The following KHDRBS2 variants were observed in gnomAD, a reference collection of about 807,000 sequenced individuals.
KHDRBS2 encodes KH RNA binding domain containing, signal transduction associated 2, also known as KH domain-containing, RNA-binding, signal transduction-associated protein 2.
Under a neutral mutation model 44.3 loss-of-function variants are expected in KHDRBS2, and 26 were observed. The ratio of observed to expected loss-of-function variants is 0.59; its 90% CI spans 0.43 to 0.81. The LOEUF is 0.81. Ranked by LOEUF, KHDRBS2 falls within the 40% of genes least tolerant of loss-of-function variation. KHDRBS2 has a pLI of 0.00. For synonymous variants in KHDRBS2, 194 were observed against 151.1 expected (o/e 1.28, Z -2.08); for missense variants, 476 against 433.1 (o/e 1.10, Z -0.88).
intron 3 of KHDRBS2, among the ~76,000 whole-genome samples, chr6:62,018,303 G>GTATATTCACACACTA (rs1781608798): frequency 5.8e-4 from 1 of 1,716 alleles, no homozygotes; most frequent in Non-Finnish European, 3.6e-3. Flanking sequence ...ATATATATGT[G>GTATATTCACACACTA]TGTGTGTGTG....
the KHDRBS2 span, among the ~76,000 whole-genome samples, chr6:61,612,743 A>T: frequency 6.6e-6 from 1 of 152,026 alleles, no homozygotes; most frequent in South Asian, 2.1e-4. Flanking sequence ...TCATCAACCA[A>T]TAGTAAAGCA....
At chr6:61,705,983 C>T (rs1402562037) in intron 7 of KHDRBS2, among the ~76,000 whole-genome samples, 2 of 151,796 alleles carry the variant, frequency 1.3e-5, no homozygotes, top group South Asian at 2.1e-4. Context: ...GGGCTATTTG[C>T]ATCATCATTG....
At chr6:61,672,607 C>T in the KHDRBS2 span, among the ~76,000 whole-genome samples, 186 of 152,026 alleles carry the variant, frequency 1.2e-3, 1 homozygote, top group African/African-American at 4.2e-3. Flanking sequence ...TGATGGTGAG[C>T]ATTTTTTCAT....
intron 1 of KHDRBS2, among the ~76,000 whole-genome samples, chr6:62,182,592 A>G (rs1357333884): frequency 1.3e-5 from 2 of 151,928 alleles, no homozygotes; most frequent in Non-Finnish European, 1.5e-5. Flanking sequence ...AGCTGTATAT[A>G]TTACATATGT....
chr6:62,014,425 T>C (rs1780838100), intron 3 of KHDRBS2, among the ~76,000 whole-genome samples: 1 of 152,172 alleles, frequency 6.6e-6, no homozygotes, highest in Non-Finnish European at 1.5e-5. Flanking sequence ...CTCCCACAAT[T>C]TGTCAAAATG....
intron 3 of KHDRBS2, among the ~76,000 whole-genome samples, chr6:62,044,297 G>A (rs1787191369): frequency 6.6e-6 from 1 of 151,788 alleles, no homozygotes; most frequent in African/African-American, 2.4e-5. Flanking sequence ...ACAACAAAAG[G>A]AGACTCCATC....
chr6:61,981,491 T>C (rs1192424), intron 3 of KHDRBS2, among the ~76,000 whole-genome samples: 53,095 of 151,766 alleles, frequency 0.35, 10,068 homozygotes, highest in Admixed American at 0.45. Context: ...TATTTGTTTG[T>C]TGTTGCTGTT....
intron 4 of KHDRBS2, among the ~76,000 whole-genome samples, chr6:61,926,599 C>A (rs925504015): frequency 2.0e-5 from 3 of 152,090 alleles, no homozygotes; most frequent in African/African-American, 7.2e-5. Flanking sequence ...CAAGGGGCTG[C>A]AGCAAACTGG....
chr6:61,716,973 G>T (rs557169896), intron 7 of KHDRBS2, among the ~76,000 whole-genome samples: 2 of 152,160 alleles, frequency 1.3e-5, no homozygotes, highest in African/African-American at 4.8e-5. Flanking sequence ...ACCTGGTGAG[G>T]AGAAATGACT....
At chr6:61,908,536 A>G (rs1407289213) in intron 4 of KHDRBS2, among the ~76,000 whole-genome samples, 1 of 150,932 alleles carries the variant, frequency 6.6e-6, no homozygotes, top group African/African-American at 2.4e-5. Flanking sequence ...TGGGAGGCTG[A>G]GGCAGGAGAA....
At chr6:62,107,670 A>G (rs1803799585) in intron 2 of KHDRBS2, among the ~76,000 whole-genome samples, 2 of 152,338 alleles carry the variant, frequency 1.3e-5, no homozygotes, top group Admixed American at 1.3e-4. Context: ...AGCTGGAGGC[A>G]TCATGCTACC....
chr6:62,065,082 G>C (rs1420622794), intron 2 of KHDRBS2, among the ~76,000 whole-genome samples: 2 of 152,114 alleles, frequency 1.3e-5, no homozygotes, highest in African/African-American at 4.8e-5. Context: ...ACCACAATGA[G>C]ATACCATCTC....
At chr6:62,031,809 A>G (rs1784384577) in intron 3 of KHDRBS2, among the ~76,000 whole-genome samples, 1 of 152,050 alleles carries the variant, frequency 6.6e-6, no homozygotes, top group East Asian at 1.9e-4. Flanking sequence ...GGGGGTCATC[A>G]CCACCCAGAA....
intron 4 of KHDRBS2, among the ~76,000 whole-genome samples, chr6:61,969,711 TA>T (rs1480270359): frequency 6.6e-6 from 1 of 151,992 alleles, no homozygotes; most frequent in African/African-American, 2.4e-5. Context: ...AAAAATGCAA[TA>T]ATTTCATCAG....
At chr6:61,814,522 G>C (rs1407043836) in intron 6 of KHDRBS2, among the ~76,000 whole-genome samples, 1 of 87,184 alleles carries the variant, frequency 1.1e-5, no homozygotes, top group East Asian at 2.7e-4. Context: ...CAGGTGAATC[G>C]CTTGACCAGG....
chr6:61,712,052 A>T (rs1325526007), intron 7 of KHDRBS2, among the ~76,000 whole-genome samples: 4 of 151,798 alleles, frequency 2.6e-5, no homozygotes, highest in African/African-American at 9.7e-5. Context: ...TCATGTGTTC[A>T]ATCTGAAGCC....
the KHDRBS2 span, among the ~76,000 whole-genome samples, chr6:61,546,153 C>T: frequency 2.0e-5 from 3 of 151,500 alleles, no homozygotes; most frequent in African/African-American, 7.3e-5. Context: ...AGGAAGTTGC[C>T]AATGACAAGT....
chr6:61,967,751 G>A (rs1376893021), intron 4 of KHDRBS2, among the ~76,000 whole-genome samples: 1 of 151,566 alleles, frequency 6.6e-6, no homozygotes, highest in East Asian at 1.9e-4. Flanking sequence ...ACAGTTCTCT[G>A]TGAGGCTCTA....
At chr6:62,218,170 A>G (rs1333711318) in intron 1 of KHDRBS2, among the ~76,000 whole-genome samples, 3 of 151,868 alleles carry the variant, frequency 2.0e-5, no homozygotes, top group Non-Finnish European at 4.4e-5. Context: ...GAAAAAGAGT[A>G]AGGATATACC....
Sources: gnomAD v4.1 joint callset for allele counts (sites outside exome capture counted in the v4.1 genomes callset) on GRCh38, gnomAD v4.1.1 for gene constraint, MANE v1.5 for transcripts, NCBI Gene and HGNC (gene_info 2026-07-23, HGNC 2026-07-21) for gene names.